Variants in AGER observed in about 807,000 individuals in gnomAD.
The protein encoded by AGER is advanced glycosylation end-product specific receptor.
AGER carries 46 observed loss-of-function variants against 48.8 expected under a neutral mutation model. The observed-to-expected ratio is 0.94, with a 90% CI of 0.74 to 1.20. The LOEUF is 1.20. AGER is among the 50% of genes most tolerant of loss of function. AGER has a pLI of 0.00. For synonymous variants in AGER, 170 were observed against 199.9 expected (o/e 0.85, Z 1.26); for missense variants, 489 against 515.0 (o/e 0.95, Z 0.49).
chr6:32,183,620 A>C lies in AGER; in HGVS notation c.290T>G (p.Phe97Cys). Residue 97 changes from phenylalanine to cysteine, a missense_variant, in exon 3 of 11, where the codon TTC becomes TGC. Phe to Cys is a radical substitution (Grantham distance 205). Coordinates refer to ENST00000375076, the MANE Select transcript of AGER (RefSeq NM_001136.5). ...ATTCCTGTTCATTGCCTGGCACCGG[A>C]AAATCCCCTCATCCTGGATCCCGAC... The part of the protein sequence containing the change: ...PAVGIQDEGI[F>C]RCQAMNRNGK... 1 of 1,613,072 alleles carries C rather than the reference A, an allele frequency of 6.2e-7. No homozygotes were observed. The highest frequency in any genetic ancestry group is 1.1e-5 in the South Asian group (1 of 91,086).
In AGER at chr6:32,182,287, G is replaced by T. The variant is rs751865269; in HGVS notation, c.924C>A (p.His308Gln). 2 of 1,612,880 alleles carry T rather than the reference G, an allele frequency of 1.2e-6. No homozygotes were observed. The highest frequency in any genetic ancestry group is 3.3e-4 in the Middle Eastern group (2 of 6,062). The part of the protein sequence containing the change: ...TYSCVATHSS[H>Q]GPQESRAVSI... ...TGACAGCACGGCTTTCCTGGGGCCC[G>T]TGGCTGGAATGGGTGGCCACACAGC... is the stretch of plus-strand genomic sequence containing the variant. The change falls in exon 8 of 11, where the codon CAC becomes CAA. Residue 308 changes from histidine to glutamine, a missense_variant. Coordinates refer to ENST00000375076, the MANE Select transcript of AGER (RefSeq NM_001136.5). This position sits in a 1 kb window ranked among gnomAD's most constrained non-coding sequence, Gnocchi z 5.1.
Position 32,183,552 on chromosome 6 carries a change from T to C in AGER, c.355+3A>G. ...GCCTTGGAGAAGACCCTGGAATTCT[T>C]ACGGTAGACACGGACTCGGTAGTTG... is the stretch of plus-strand genomic sequence containing the variant. On this transcript the variant is annotated splice_donor_region_variant and intron_variant, in intron 3 of 10. Transcript: ENST00000375076. 1 of 1,613,104 alleles carries C rather than the reference T, an allele frequency of 6.2e-7. No homozygotes were observed. The highest frequency in any genetic ancestry group is 8.5e-7 in the Non-Finnish European group (1 of 1,180,038).
chr6:32,181,387 A>T lies in AGER; in HGVS notation c.1082T>A (p.Ile361Asn). 8 of 1,612,882 alleles carry T rather than the reference A, an allele frequency of 5.0e-6. No individual in the cohort carries two copies. Among genetic ancestry groups the T allele is most frequent in the Non-Finnish European group, 6.8e-6 (8 of 1,179,320 alleles). ...TCGGCGTTGCCGCCTTTGCCACAAGATGACCCCAATGAGCAGGGCGGCTGT... is the reference window on the plus strand; with the variant it reads ...TCGGCGTTGCCGCCTTTGCCACAAGTTGACCCCAATGAGCAGGGCGGCTGT... ...LGTAALLIGV[I>N]LWQRRQRRGE... Residue 361 changes from isoleucine (I) to asparagine (N), a missense_variant, in exon 10 of 11, where the codon ATC becomes AAC. Ile to Asn is a moderately radical substitution (Grantham distance 149, BLOSUM62 -3). Coordinates refer to ENST00000375076, the MANE Select transcript of AGER (RefSeq NM_001136.5). The surrounding 1 kb of genome is among the most constrained non-coding windows in gnomAD (Gnocchi z 4.1).
At position 32,181,547 on chromosome 6, in the gene AGER, C is replaced by T. The variant is rs768852655; in HGVS notation, c.991+59G>A. 7 of 1,613,016 alleles carry T rather than the reference C, an allele frequency of 4.3e-6. No individual in the cohort carries two copies. The Admixed American group carries it at 1.2e-4, about 27-fold the overall frequency. On this transcript the variant is annotated intron_variant, in intron 9 of 10. Transcript: ENST00000375076. This position sits in a 1 kb window ranked among gnomAD's most constrained non-coding sequence, Gnocchi z 4.1. ...ACCATTCCTTTCTTGTTGACCATCC[C>T]CCCAGTCACATGTGTTGGGGGCTAT...
chr6:32,183,015 C>G lies in AGER; in HGVS notation c.517G>C (p.Val173Leu). ...PLVPNEKGVS[V>L]KEQTRRHPET... Reference sequence around the variant, plus strand: ...GGGTGTCTCCTGGTCTGTTCCTTCACAGATACTCCTATGATGGGAGGATAA... The same window carrying G: ...GGGTGTCTCCTGGTCTGTTCCTTCAGAGATACTCCTATGATGGGAGGATAA... Residue 173 changes from valine to leucine, a missense_variant, in exon 6 of 11, where the codon GTG (valine) becomes CTG (leucine). Val to Leu is a conservative substitution (Grantham distance 32, BLOSUM62 1). Coordinates refer to ENST00000375076, the MANE Select transcript of AGER (RefSeq NM_001136.5). 5 of 1,613,084 alleles carry G rather than the reference C, an allele frequency of 3.1e-6. No individual in the cohort carries two copies. Among genetic ancestry groups the G allele is most frequent in the Non-Finnish European group, 4.2e-6 (5 of 1,180,024 alleles).
chr6:32,180,982 G>A lies in AGER; in HGVS notation c.*161C>T. On this transcript the variant is annotated 3_prime_UTR_variant, in exon 11 of 11. Transcript: ENST00000375076. ...GACACACAAGAGCAAGATGTGTCAG[G>A]TGTTTAATCATCATTGTGGGGGGCT... 1.4e-6 allele frequency: 1 copy of A among 726,536 alleles called. No homozygotes were observed. The highest frequency in any genetic ancestry group is 2.5e-5 in the East Asian group (1 of 40,400). The allele number at this position is 726,536 out of a possible 1,614,324, so 45.0% of individuals were successfully genotyped here.
rs781659987 is a variant in AGER, at chr6:32,182,288, T to G, written c.923A>C (p.His308Pro). 119 of 1,612,432 alleles carry G rather than the reference T, an allele frequency of 7.4e-5. No homozygotes were observed. Among genetic ancestry groups the G allele is most frequent in the Non-Finnish European group, 1.0e-4 (118 of 1,179,952 alleles). Residue 308 changes from histidine (H) to proline (P), a missense_variant, in exon 8 of 11, where the codon CAC becomes CCC. Coordinates refer to ENST00000375076, the MANE Select transcript of AGER (RefSeq NM_001136.5). The surrounding 1 kb of genome is among the most constrained non-coding windows in gnomAD (Gnocchi z 5.1). ...GACAGCACGGCTTTCCTGGGGCCCG[T>G]GGCTGGAATGGGTGGCCACACAGCT... Reference protein sequence around the residue: ...TYSCVATHSSHGPQESRAVSI... With the variant: ...TYSCVATHSSPGPQESRAVSI...
chr6:32,181,253 T>C lies in AGER; in HGVS notation c.1119-14A>G, dbSNP rs368755329. On this transcript the variant is annotated splice_polypyrimidine_tract_variant and intron_variant, in intron 10 of 10. Transcript: ENST00000375076. This position sits in a 1 kb window ranked among gnomAD's most constrained non-coding sequence, Gnocchi z 4.1. The stretch of plus-strand genomic sequence containing the variant: ...TCTGGGGCCTTCCTGAGGAGAAAGA[T>C]TGGGGGGAATGCGGCACGTTGTCGT... The C allele has an allele frequency of 4.5e-5, 73 of 1,614,102 alleles. No individual in the cohort carries two copies. The highest frequency in any genetic ancestry group is 2.2e-4 in the East Asian group (10 of 44,878).
Position 32,183,699 on chromosome 6 carries a change from G to T in AGER, c.211C>A (p.Pro71Thr). 1.2e-6 allele frequency: 2 copies of T among 1,613,110 alleles called. No homozygotes were observed. The highest frequency in any genetic ancestry group is 1.3e-5 in the African/African-American group (1 of 75,050). Reference sequence around the variant, plus strand: ...AGGACACGAGCCACACTGTCCCAGGGGCCTCCTCCCTGGGGAGACAGGACC... The same window carrying T: ...AGGACACGAGCCACACTGTCCCAGGTGCCTCCTCCCTGGGGAGACAGGACC... ...WKVLSPQGGG[P>T]WDSVARVLPN... is the part of the protein sequence containing the mutation. Residue 71 changes from proline to threonine, a missense_variant, in exon 3 of 11, where the codon CCC (proline) becomes ACC (threonine). By Grantham distance (38) the Pro-to-Thr change is conservative (BLOSUM62 -1). Coordinates refer to ENST00000375076, the MANE Select transcript of AGER (RefSeq NM_001136.5).
chr6:32,182,760 G>C lies in AGER; in HGVS notation c.692-62C>G. 3.7e-6 allele frequency: 6 copies of C among 1,612,860 alleles called. No homozygotes were observed. Among genetic ancestry groups the C allele is most frequent in the Non-Finnish European group, 5.1e-6 (6 of 1,179,944 alleles). On this transcript the variant is annotated intron_variant, in intron 6 of 10. Coordinates refer to ENST00000375076, the MANE Select transcript of AGER (RefSeq NM_001136.5). This position sits in a 1 kb window ranked among gnomAD's most constrained non-coding sequence, Gnocchi z 5.1. ...CTTGTGAGTGATCCCAGTGGCCATG[G>C]GCTTGACTCCCTCTTTCCCTAAGGG...
Position 32,182,668 on chromosome 6 carries a change from A to G in AGER, c.722T>C (p.Val241Ala). Residue 241 changes from valine (V) to alanine (A), a missense_variant, in exon 7 of 11, where the codon GTG (valine) becomes GCG (alanine). Transcript: ENST00000375076. This position sits in a 1 kb window ranked among gnomAD's most constrained non-coding sequence, Gnocchi z 5.1. ...TACTGCTCCACCTTCTGGCTCCACCACCAATTGGACCTCCTCCAGAGGCAC... is the reference window on the plus strand; with the variant it reads ...TACTGCTCCACCTTCTGGCTCCACCGCCAATTGGACCTCCTCCAGAGGCAC... ...EPVPLEEVQL[V>A]VEPEGGAVAP... 4 of 1,612,966 alleles carry G rather than the reference A, an allele frequency of 2.5e-6. No homozygotes were observed. The highest frequency in any genetic ancestry group is 3.4e-6 in the Non-Finnish European group (4 of 1,180,008).
In AGER at chr6:32,183,588, C is replaced by G. The variant is rs753277480; in HGVS notation, c.322G>C (p.Glu108Gln). The G allele has an allele frequency of 6.2e-7, 1 of 1,613,080 alleles. No homozygotes were observed. The highest frequency in any genetic ancestry group is 1.1e-5 in the South Asian group (1 of 91,082). The change falls in exon 3 of 11, where the codon GAG becomes CAG. Residue 108 changes from glutamate (E) to glutamine (Q), a missense_variant. By Grantham distance (29) the Glu-to-Gln change is conservative (BLOSUM62 2). Coordinates refer to ENST00000375076, the MANE Select transcript of AGER (RefSeq NM_001136.5). Reference protein sequence around the residue: ...RCQAMNRNGKETKSNYRVRVY... With the variant: ...RCQAMNRNGKQTKSNYRVRVY... Reference sequence around the variant, plus strand: ...CGGACTCGGTAGTTGGACTTGGTCTCCTTTCCATTCCTGTTCATTGCCTGG... The same window carrying G: ...CGGACTCGGTAGTTGGACTTGGTCTGCTTTCCATTCCTGTTCATTGCCTGG...
rs1418780372 is a variant in AGER, at chr6:32,181,524, C to T, written c.992-47G>A. On this transcript the variant is annotated intron_variant, in intron 9 of 10. Coordinates refer to ENST00000375076, the MANE Select transcript of AGER (RefSeq NM_001136.5). This position sits in a 1 kb window ranked among gnomAD's most constrained non-coding sequence, Gnocchi z 4.1. ...TGAGAGCACAGCCACCACCACTCAC[C>T]ATTCCTTTCTTGTTGACCATCCCCC... is the stretch of plus-strand genomic sequence containing the variant. 3.1e-6 allele frequency: 5 copies of T among 1,613,058 alleles called. No individual in the cohort carries two copies. Among genetic ancestry groups the T allele is most frequent in the Non-Finnish European group, 3.4e-6 (4 of 1,180,048 alleles).
chr6:32,182,053 CAG>C lies in AGER; in HGVS notation c.964+192_964+193del. Reference sequence around the variant, plus strand: ...CAGCCGTCTGTTCCTTTTTTTAGCTCAGAGGGAAGAAGGGAGAGGCTTGGCTG... The same window carrying C: ...CAGCCGTCTGTTCCTTTTTTTAGCTCAGGGAAGAAGGGAGAGGCTTGGCTG... On this transcript the variant is annotated intron_variant, in intron 8 of 10. Coordinates refer to ENST00000375076, the MANE Select transcript of AGER (RefSeq NM_001136.5). This position sits in a 1 kb window ranked among gnomAD's most constrained non-coding sequence, Gnocchi z 5.1. The C allele has an allele frequency of 1.2e-6, 1 of 847,384 alleles. No homozygotes were observed. 52.5% of individuals were successfully genotyped at this position (847,384 alleles called of 1,614,324 possible). A position where few individuals can be genotyped will look rare whatever the true frequency, so the allele number is the denominator to read the frequency against.
chr6:32,182,128 G>A lies in AGER; in HGVS notation c.964+119C>T. 7.1e-7 allele frequency: 1 copy of A among 1,404,640 alleles called. No homozygotes were observed. The highest frequency in any genetic ancestry group is 1.0e-6 in the Non-Finnish European group (1 of 1,003,388). The allele number at this position is 1,404,640 out of a possible 1,614,324, so 87.0% of individuals were successfully genotyped here. On this transcript the variant is annotated intron_variant, in intron 8 of 10. Coordinates refer to ENST00000375076, the MANE Select transcript of AGER (RefSeq NM_001136.5). The surrounding 1 kb of genome is among the most constrained non-coding windows in gnomAD (Gnocchi z 5.1). ...GGGCAGGGGAGGCTTGGGTGTGGGT[G>A]CATGGAGGGAGAGGTGGGGTGGCTG...
rs775569298 is a variant in AGER at position 32,182,614 on chromosome 6, C to T, written c.776G>A (p.Cys259Tyr). Residue 259 changes from cysteine to tyrosine, a missense_variant, in exon 7 of 11, where the codon TGT (cysteine) becomes TAT (tyrosine). Physicochemically the swap from Cys to Tyr is radical, Grantham distance 194. Transcript: ENST00000375076. The surrounding 1 kb of genome is among the most constrained non-coding windows in gnomAD (Gnocchi z 5.1). ...AGGAGAGGGCTGGGCAGGGACTTCACAGGTCAGGGTTACGGTTCCACCAGG... is the reference window on the plus strand; with the variant it reads ...AGGAGAGGGCTGGGCAGGGACTTCATAGGTCAGGGTTACGGTTCCACCAGG... ...VAPGGTVTLT[C>Y]EVPAQPSPQI... is the part of the protein sequence containing the mutation. 1.8e-5 allele frequency: 29 copies of T among 1,612,986 alleles called. No individual in the cohort carries two copies. The South Asian group carries it at 2.6e-4, about 15-fold the overall frequency.
intron 1 of AGER, 61 bp from the exon 2 acceptor site, chr6:32,184,048 A>G: frequency 6.2e-7 from 1 of 1,610,720 alleles, no homozygotes; most frequent in Non-Finnish European, 8.5e-7. Flanking sequence ...AAATTTGGAC[A>G]GGGTGGGTGA....
rs779413134 is a variant in AGER at position 32,181,098 on chromosome 6, G to T, written c.*45C>A. The T allele has an allele frequency of 6.3e-7, 1 of 1,599,748 alleles. No homozygotes were observed. ...GGTCTGAGGCCAGAACAGTTCAAGG[G>T]AAAAAGAAAAGGGAGCTGATGGATG... On this transcript the variant is annotated 3_prime_UTR_variant, in exon 11 of 11. Coordinates refer to ENST00000375076, the MANE Select transcript of AGER (RefSeq NM_001136.5). This position sits in a 1 kb window ranked among gnomAD's most constrained non-coding sequence, Gnocchi z 4.1.
Position 32,182,508 on chromosome 6 carries a change from C to T in AGER, c.822+60G>A. The T allele has an allele frequency of 5.0e-6, 8 of 1,600,434 alleles. No homozygotes were observed. Among genetic ancestry groups the T allele is most frequent in the Non-Finnish European group, 6.0e-6 (7 of 1,171,340 alleles). On this transcript the variant is annotated intron_variant, in intron 7 of 10. Transcript: ENST00000375076. The surrounding 1 kb of genome is among the most constrained non-coding windows in gnomAD (Gnocchi z 5.1). ...TGCCTTTCCCTCGTTAGCCCTCTGC[C>T]CTCCCTGTTGCTAGTTATGGTTCAC...
Sources: allele counts gnomAD v4.1 joint callset, GRCh38; gene constraint gnomAD v4.1.1; non-coding constraint Gnocchi (gnomAD v3.1); transcripts MANE v1.5; gene names NCBI Gene and HGNC (gene_info 2026-07-23, HGNC 2026-07-21).